FBXL7: variants seen among roughly 807,000 people sequenced by gnomAD.
FBXL7 encodes the protein F-box and leucine rich repeat protein 7.
Under a neutral mutation model 38.3 loss-of-function variants are expected in FBXL7, and 12 were observed. The ratio of observed to expected loss-of-function variants is 0.31; its 90% confidence interval spans 0.20 to 0.51. The LOEUF (loss-of-function observed/expected upper bound fraction) is 0.51. Among genes scored for constraint, FBXL7 ranks in the 20% least tolerant of loss-of-function variants. The pLI is 0.98. For synonymous variants in FBXL7, 297 were observed against 300.9 expected (o/e 0.99, Z 0.13); for missense variants, 567 against 676.4 (o/e 0.84, Z 1.79).
chr5:15,770,741 G>C (rs149787534), intron 2 of FBXL7, among the ~76,000 whole-genome samples: 168 of 152,236 alleles, frequency 1.1e-3, no homozygotes, highest in African/African-American at 3.9e-3. Flanking sequence ...AGATTGGGAG[G>C]TTGAGGCTTA....
chr5:15,809,806 CTT>C (rs1402111129), intron 2 of FBXL7, among the ~76,000 whole-genome samples: 1 of 152,162 alleles, frequency 6.6e-6, no homozygotes, highest in African/African-American at 2.4e-5. Flanking sequence ...TTGAAAATAA[CTT>C]TGATTTTGCA....
At chr5:15,572,418 C>G (rs983189674) in intron 1 of FBXL7, among the ~76,000 whole-genome samples, 12 of 148,366 alleles carry the variant, frequency 8.1e-5, no homozygotes, top group Non-Finnish European at 3.0e-5. Flanking sequence ...AAATCTTGTT[C>G]AGGGTTCTTG....
chr5:15,718,476 G>A (rs1036630109), intron 2 of FBXL7, among the ~76,000 whole-genome samples: 2 of 152,172 alleles, frequency 1.3e-5, no homozygotes, highest in African/African-American at 4.8e-5. Context: ...GGCAGCTGAA[G>A]ACTCACTAAA....
Position 15,937,079 on chromosome 5 carries a change from C to A in FBXL7, c.1369C>A (p.Gln457Lys). The change falls in exon 4 of 4, where the codon CAG becomes AAG. Residue 457 changes from glutamine (Q) to lysine (K), a missense_variant. By Grantham distance (53) the Gln-to-Lys change is moderately conservative (BLOSUM62 1). Coordinates refer to ENST00000504595, the MANE Select transcript of FBXL7 (RefSeq NM_012304.5). The stretch of plus-strand genomic sequence containing the variant: ...CGTGGCCGCCAACTGCTTTGACCTC[C>A]AGACGCTGAATGTCCAGGACTGCGA... ...QIVAANCFDL[Q>K]TLNVQDCEVS... 6.2e-7 allele frequency: 1 copy of A among 1,614,028 alleles called. No individual in the cohort carries two copies. The highest frequency in any genetic ancestry group is 8.5e-7 in the Non-Finnish European group (1 of 1,179,894).
In FBXL7 at chr5:15,928,355, G is replaced by T; in HGVS notation, c.593G>T (p.Arg198Leu). The T allele has an allele frequency of 1.2e-6, 2 of 1,613,966 alleles. No homozygotes were observed. The highest frequency in any genetic ancestry group is 1.7e-6 in the Non-Finnish European group (2 of 1,179,894). Residue 198 changes from arginine to leucine, a missense_variant, in exon 3 of 4, where the codon CGG (arginine) becomes CTG (leucine). By Grantham distance (102) the Arg-to-Leu change is moderately radical. Coordinates refer to ENST00000504595, the MANE Select transcript of FBXL7 (RefSeq NM_012304.5). The surrounding 1 kb of genome is among the most constrained non-coding windows in gnomAD (Gnocchi z 4.0). ...ACCGTAACTGTCAGTGGCTGCAGGC[G>T]GCTCACAGACCGAGGGCTGTACACC... ...LETVTVSGCR[R>L]LTDRGLYTIA... is the part of the protein sequence containing the mutation.
chr5:15,504,931 C>G (rs1453809471), intron 1 of FBXL7, among the ~76,000 whole-genome samples: 2 of 152,168 alleles, frequency 1.3e-5, no homozygotes, highest in Non-Finnish European at 2.9e-5. Flanking sequence ...ACCATTTTCA[C>G]TGTTAACAGC....
intron 1 of FBXL7, among the ~76,000 whole-genome samples, chr5:15,527,265 A>G (rs919397): frequency 0.062 from 9,448 of 152,324 alleles, 416 homozygotes; most frequent in Non-Finnish European, 0.09. Context: ...TCACTGCCCT[A>G]CATTTAATTA....
chr5:15,663,514 TGA>T (rs1453159186), intron 2 of FBXL7, among the ~76,000 whole-genome samples: 1 of 152,208 alleles, frequency 6.6e-6, no homozygotes, highest in Non-Finnish European at 1.5e-5. Flanking sequence ...CCTCATTTAT[TGA>T]GAGGTTTTAA....
At chr5:15,913,093 G>A (rs1198576472) in intron 2 of FBXL7, among the ~76,000 whole-genome samples, 1 of 152,034 alleles carries the variant, frequency 6.6e-6, no homozygotes, top group Non-Finnish European at 1.5e-5. Flanking sequence ...GTTTTTCCAA[G>A]CATTTAAAAA....
At chr5:15,836,747 T>C (rs369874986) in intron 2 of FBXL7, among the ~76,000 whole-genome samples, 7 of 152,244 alleles carry the variant, frequency 4.6e-5, no homozygotes, top group African/African-American at 1.7e-4. Flanking sequence ...ACTCTTCAAG[T>C]TTAGGAGCAG....
intron 3 of FBXL7, among the ~76,000 whole-genome samples, chr5:15,929,573 A>G (rs1436129981): frequency 1.3e-5 from 2 of 149,988 alleles, no homozygotes; most frequent in African/African-American, 4.9e-5. Flanking sequence ...GCAGTGAACT[A>G]TGATCATACC....
intron 2 of FBXL7, among the ~76,000 whole-genome samples, chr5:15,629,709 T>C (rs1006921250): frequency 3.9e-5 from 6 of 152,184 alleles, no homozygotes; most frequent in Non-Finnish European, 5.9e-5. Flanking sequence ...ATTGTGTTTT[T>C]TTCAGCTCCG....
intron 1 of FBXL7, among the ~76,000 whole-genome samples, chr5:15,537,569 A>G (rs1307796276): frequency 6.6e-6 from 1 of 152,232 alleles, no homozygotes; most frequent in Non-Finnish European, 1.5e-5. Flanking sequence ...GCAAGAGAGT[A>G]TGCACATGCC....
intron 2 of FBXL7, among the ~76,000 whole-genome samples, chr5:15,775,141 T>C (rs1361152476): frequency 6.6e-6 from 1 of 152,188 alleles, no homozygotes; most frequent in Non-Finnish European, 1.5e-5. Flanking sequence ...AATGTGTGCA[T>C]TGAACAGTGC....
intron 1 of FBXL7, among the ~76,000 whole-genome samples, chr5:15,591,756 G>C (rs1219142771): frequency 1.3e-5 from 2 of 151,922 alleles, no homozygotes; most frequent in Non-Finnish European, 2.9e-5. Flanking sequence ...CTGTCACCAG[G>C]CTGGAGTGCA....
intron 2 of FBXL7, among the ~76,000 whole-genome samples, chr5:15,756,360 C>A (rs2126692371): frequency 6.6e-6 from 1 of 152,252 alleles, no homozygotes; most frequent in South Asian, 2.1e-4. Flanking sequence ...AATGGGAATA[C>A]TTTAGTTTTA....
intron 2 of FBXL7, among the ~76,000 whole-genome samples, chr5:15,809,704 G>A (rs991868784): frequency 6.6e-6 from 1 of 152,016 alleles, no homozygotes; most frequent in Admixed American, 6.6e-5. Context: ...TCAGTTTACA[G>A]CAAAAGAGGG....
chr5:15,643,988 C>T lies in FBXL7; in HGVS notation c.127+27916C>T, dbSNP rs542165872. 2.6e-5 allele frequency among the ~76,000 whole-genome samples: 4 copies of T among 152,250 alleles called. No individual in the cohort carries two copies. In the East Asian group the frequency reaches 7.7e-4, roughly 29 times the overall value. On this transcript the variant is annotated intron_variant, in intron 2 of 3. Coordinates refer to ENST00000504595, the MANE Select transcript of FBXL7 (RefSeq NM_012304.5). ...TTAAACATTGTTTTGGCACTTCGTACTTTCATTCATTAAGAGGGATGATGA... is the reference window on the plus strand; with the variant it reads ...TTAAACATTGTTTTGGCACTTCGTATTTTCATTCATTAAGAGGGATGATGA...
At chr5:15,913,552 A>G (rs1349576762) in intron 2 of FBXL7, among the ~76,000 whole-genome samples, 1 of 152,156 alleles carries the variant, frequency 6.6e-6, no homozygotes, top group Non-Finnish European at 1.5e-5. Context: ...TCTGCTGTGA[A>G]CTGAAAATGT....
Sources: gnomAD v4.1 joint callset for allele counts (sites outside exome capture counted in the v4.1 genomes callset) on GRCh38, gnomAD v4.1.1 for gene constraint, Gnocchi (gnomAD v3.1) non-coding constraint, MANE v1.5 for transcripts, NCBI Gene and HGNC (gene_info 2026-07-23, HGNC 2026-07-21) for gene names.